The following BTBD18 variants were observed in gnomAD, a reference collection of about 807,000 sequenced individuals.
BTBD18 encodes the protein BTB domain containing 18, also known as BTB/POZ domain-containing protein 18.
For synonymous variants in BTBD18, 311 were observed against 324.4 expected (o/e 0.96, Z 0.44); for missense variants, 787 against 846.3 (o/e 0.93, Z 0.87).
chr11:57,751,291 T>C, intron 1 of BTBD18, 55 bp from the exon 2 acceptor site: 2 of 981,094 alleles, frequency 2.0e-6, no homozygotes, highest in Non-Finnish European at 2.8e-6. Flanking sequence ...TTGTTTTTTG[T>C]CTTTGAAATG....
intron 2 of BTBD18, among the ~76,000 whole-genome samples, chr11:57,747,809 T>C (rs574330984): frequency 6.6e-6 from 1 of 152,238 alleles, no homozygotes; most frequent in East Asian, 1.9e-4. Flanking sequence ...AGGGTTGTTT[T>C]GTTTTTTTGA....
Position 57,744,232 on chromosome 11 carries a change from C to G in BTBD18, c.2041G>C (p.Asp681His). The change falls in exon 3 of 3, where the codon GAC (aspartate) becomes CAC (histidine). Residue 681 changes from aspartate to histidine, a missense_variant. Physicochemically the swap from Asp to His is moderately conservative, Grantham distance 81. Transcript: ENST00000422652. ...ACCAGCCTCCCCTCTGCTGTCCAGT[C>G]CACCACATCAATCTCTTCCTCTTCA... Reference protein sequence around the residue: ...SSEEEEIDVVDWTAEGRLVPT... With the variant: ...SSEEEEIDVVHWTAEGRLVPT... 1.9e-6 allele frequency: 3 copies of G among 1,551,698 alleles called. No individual in the cohort carries two copies. The highest frequency in any genetic ancestry group is 2.6e-6 in the Non-Finnish European group (3 of 1,146,988).
In BTBD18 at chr11:57,745,275, C is replaced by T; in HGVS notation, c.998G>A (p.Gly333Asp). The T allele has an allele frequency of 6.4e-7, 1 of 1,551,722 alleles. No homozygotes were observed. Among genetic ancestry groups the T allele is most frequent in the Non-Finnish European group, 8.7e-7 (1 of 1,146,990 alleles). The change falls in exon 3 of 3, where the codon GGT (glycine) becomes GAT (aspartate). Residue 333 changes from glycine to aspartate, a missense_variant. Physicochemically the swap from Gly to Asp is moderately conservative, Grantham distance 94. Transcript: ENST00000422652. Reference protein sequence around the residue: ...TPNPSGLGKTGGSRKRSPEVR... With the variant: ...TPNPSGLGKTDGSRKRSPEVR... Reference sequence around the variant, plus strand: ...TTCAGGGCTCCGCTTCCTGCTCCCACCTGTCTTTCCCAGACCAGATGGGTT... The same window carrying T: ...TTCAGGGCTCCGCTTCCTGCTCCCATCTGTCTTTCCCAGACCAGATGGGTT...
chr11:57,751,958 CCTGA>C (rs1452931915), upstream of BTBD18, among the ~76,000 whole-genome samples: 2 of 152,116 alleles, frequency 1.3e-5, no homozygotes, highest in African/African-American at 4.8e-5. Context: ...CCAAAGCGAG[CCTGA>C]CTGACCCTGG....
chr11:57,751,075 CAGA>C lies in BTBD18; in HGVS notation c.111_113del (p.Leu38del). ...CGACCACTCTCTTACCTTCTGCCTG[CAGA>C]AGGACATCACAGAACACATCACTCT... On this transcript the variant is annotated inframe_deletion, in exon 2 of 3. Transcript: ENST00000422652. The C allele has an allele frequency of 6.5e-7, 1 of 1,538,910 alleles. No individual in the cohort carries two copies. The highest frequency in any genetic ancestry group is 8.7e-7 in the Non-Finnish European group (1 of 1,142,862).
Position 57,745,207 on chromosome 11 carries a change from C to T in BTBD18, c.1066G>A (p.Gly356Arg). The change falls in exon 3 of 3, where the codon GGG becomes AGG. Residue 356 changes from glycine to arginine, a missense_variant. Physicochemically the swap from Gly to Arg is moderately radical, Grantham distance 125. Transcript: ENST00000422652. ...ACAATCTTCCTAAGTTTAACTCTCC[C>T]AACCTGCCCCTCCTCTGCAGAGTCT... ...NSDSAEEGQV[G>R]RVKLRKIVNG... is the part of the protein sequence containing the mutation. The T allele has an allele frequency of 6.4e-7, 1 of 1,551,692 alleles. No homozygotes were observed.
rs538231381 is a variant in BTBD18, at chr11:57,744,544, T to A, written c.1729A>T (p.Met577Leu). 1 of 1,551,642 alleles carries A rather than the reference T, an allele frequency of 6.4e-7. No homozygotes were observed. The highest frequency in any genetic ancestry group is 1.4e-5 in the African/African-American group (1 of 73,160). ...GPTELLSPLV[M>L]PSEVSEVLSV... Reference sequence around the variant, plus strand: ...AGCACTTCACTCACCTCAGAGGGCATGACAAGGGGGCTAAGGAGCTCAGTT... The same window carrying A: ...AGCACTTCACTCACCTCAGAGGGCAAGACAAGGGGGCTAAGGAGCTCAGTT... The change falls in exon 3 of 3, where the codon ATG (methionine) becomes TTG (leucine). Residue 577 changes from methionine to leucine, a missense_variant. Met to Leu is a conservative substitution (Grantham distance 15). Coordinates refer to ENST00000422652, the MANE Select transcript of BTBD18 (RefSeq NM_001145101.3).
At chr11:57,748,306 TATTA>T (rs756842181) in intron 2 of BTBD18, among the ~76,000 whole-genome samples, 57 of 152,352 alleles carry the variant, frequency 3.7e-4, no homozygotes, top group Admixed American at 6.5e-4. Flanking sequence ...GTTTTACCAA[TATTA>T]ATTTATTTAA....
At chr11:57,748,822 C>T (rs991599910) in intron 2 of BTBD18, among the ~76,000 whole-genome samples, 4 of 152,192 alleles carry the variant, frequency 2.6e-5, no homozygotes, top group Non-Finnish European at 4.4e-5. Flanking sequence ...TTATAACCTC[C>T]TGCGTAAAAC....
chr11:57,752,827 G>A (rs757635338), upstream of BTBD18, among the ~76,000 whole-genome samples: 1 of 152,234 alleles, frequency 6.6e-6, no homozygotes, highest in Non-Finnish European at 1.5e-5. Context: ...CGGTGTTGGC[G>A]GAGAAAGCAG....
intron 2 of BTBD18, among the ~76,000 whole-genome samples, chr11:57,747,276 TC>T (rs1460769227): frequency 1.3e-5 from 2 of 152,200 alleles, no homozygotes; most frequent in African/African-American, 2.4e-5. Flanking sequence ...TAGATCTCTT[TC>T]CTGAGGGAGT....
chr11:57,748,564 G>GA (rs71061539), intron 2 of BTBD18, among the ~76,000 whole-genome samples: 74,623 of 145,044 alleles, frequency 0.51, 19,686 homozygotes, highest in East Asian at 0.88. Context: ...AGAAAAAAAA[G>GA]AAAAAAAAAA....
chr11:57,745,496 C>T lies in BTBD18; in HGVS notation c.777G>A (p.Leu259=). ...AGCGACTGAGCCTGATCTTTCTGGG[C>T]AACAGGTGTTTGTCCACAGAGGGGT... ...SLYPSVDKHL[L]PRKIRLSRSK... is the part of the protein sequence containing the mutation. The change falls in exon 3 of 3, where the codon TTG becomes TTA. Residue 259 remains leucine, a synonymous_variant. Coordinates refer to ENST00000422652, the MANE Select transcript of BTBD18 (RefSeq NM_001145101.3). 1 of 1,549,694 alleles carries T rather than the reference C, an allele frequency of 6.5e-7. No individual in the cohort carries two copies. The highest frequency in any genetic ancestry group is 8.7e-7 in the Non-Finnish European group (1 of 1,146,976).
chr11:57,747,351 A>G (rs1008680707), intron 2 of BTBD18, among the ~76,000 whole-genome samples: 1 of 152,202 alleles, frequency 6.6e-6, no homozygotes, highest in African/African-American at 2.4e-5. Context: ...CAACTTTTCC[A>G]GAAAATGAAC....
chr11:57,752,152 GGAAT>G (rs1413974543), upstream of BTBD18, among the ~76,000 whole-genome samples: 1 of 152,138 alleles, frequency 6.6e-6, no homozygotes, highest in Non-Finnish European at 1.5e-5. Flanking sequence ...TTCCTTTCCT[GGAAT>G]GCAGTTTTCT....
At position 57,745,249 on chromosome 11, in the gene BTBD18, C is replaced by T. The variant is rs770537834; in HGVS notation, c.1024G>A (p.Val342Ile). The change falls in exon 3 of 3, where the codon GTC (valine) becomes ATC (isoleucine). Residue 342 changes from valine (V) to isoleucine (I), a missense_variant. Val to Ile is a conservative substitution (Grantham distance 29, BLOSUM62 3). Transcript: ENST00000422652. ...GCAGAGTCTGAGTTAGGTGCCCTGACTTCAGGGCTCCGCTTCCTGCTCCCA... is the reference window on the plus strand; with the variant it reads ...GCAGAGTCTGAGTTAGGTGCCCTGATTTCAGGGCTCCGCTTCCTGCTCCCA... The part of the protein sequence containing the change: ...TGGSRKRSPE[V>I]RAPNSDSAEE... The T allele has an allele frequency of 1.8e-5, 28 of 1,551,610 alleles. No homozygotes were observed. The highest frequency in any genetic ancestry group is 4.1e-5 in the African/African-American group (3 of 73,062).
At chr11:57,751,380 A>C (rs1021967951) in intron 1 of BTBD18, 144 bp from the exon 2 acceptor site, 166 of 443,434 alleles carry the variant, frequency 3.7e-4, no homozygotes, top group East Asian at 6.9e-4. Context: ...AGGATATCTC[A>C]AGAAAGAAAA....
intron 2 of BTBD18, among the ~76,000 whole-genome samples, chr11:57,749,138 A>G (rs572685499): frequency 1.3e-5 from 2 of 152,286 alleles, no homozygotes; most frequent in East Asian, 3.9e-4. Flanking sequence ...TTTCTTTTTT[A>G]TCCTCCTAAG....
chr11:57,745,339 G>A lies in BTBD18; in HGVS notation c.934C>T (p.Pro312Ser). 1 of 1,551,696 alleles carries A rather than the reference G, an allele frequency of 6.4e-7. No homozygotes were observed. The highest frequency in any genetic ancestry group is 8.7e-7 in the Non-Finnish European group (1 of 1,147,004). Reference sequence around the variant, plus strand: ...AGAGGACTAGCTCTGCCTGGTTTTGGCTTGTCCTCTGGTGTTTCTTTATTT... The same window carrying A: ...AGAGGACTAGCTCTGCCTGGTTTTGACTTGTCCTCTGGTGTTTCTTTATTT... ...SVNKETPEDK[P>S]KPGRASPLQS... The change falls in exon 3 of 3, where the codon CCA becomes TCA. Residue 312 changes from proline (P) to serine (S), a missense_variant. Transcript: ENST00000422652.
Sources: gnomAD v4.1 joint callset for allele counts (sites outside exome capture counted in the v4.1 genomes callset) on GRCh38, gnomAD v4.1.1 for gene constraint, MANE v1.5 for transcripts, NCBI Gene and HGNC (gene_info 2026-07-23, HGNC 2026-07-21) for gene names.